LZTFL1: variants seen among roughly 807,000 people sequenced by gnomAD.
LZTFL1 encodes the protein leucine zipper transcription factor like 1, also known as leucine zipper transcription factor-like protein 1.
LZTFL1 carries 25 observed loss-of-function variants against 45.9 expected under a neutral mutation model. The ratio of observed to expected loss-of-function variants is 0.54; its 90% confidence interval spans 0.40 to 0.76. LZTFL1 has a LOEUF of 0.76. Among genes scored for constraint, LZTFL1 ranks in the 30% least tolerant of loss-of-function variants. The pLI, the probability that LZTFL1 is intolerant of heterozygous loss-of-function variation, is 0.00. For synonymous variants in LZTFL1, 93 were observed against 117.4 expected (o/e 0.79, Z 1.35); for missense variants, 277 against 331.1 (o/e 0.84, Z 1.27).
intron 2 of LZTFL1, among the ~76,000 whole-genome samples, chr3:45,908,341 C>T (rs1049036207): frequency 6.6e-6 from 1 of 152,230 alleles, no homozygotes; most frequent in South Asian, 2.1e-4. Context: ...AGCATTTCAA[C>T]TGTTGCTGTA....
chr3:45,912,014 C>A (rs539050091), intron 2 of LZTFL1, among the ~76,000 whole-genome samples: 2 of 152,384 alleles, frequency 1.3e-5, no homozygotes, highest in East Asian at 3.9e-4. Flanking sequence ...CCCACCAGCT[C>A]CATCTGCCAA....
At position 45,826,391 on chromosome 3, in the gene LZTFL1, A is replaced by C. The variant is rs146352843; in HGVS notation, c.882-59T>G. 224 of 1,398,004 alleles carry C rather than the reference A, an allele frequency of 1.6e-4. No individual in the cohort carries two copies. In the African/African-American group the frequency reaches 2.6e-3, roughly 16 times the overall value. 86.6% of individuals were successfully genotyped at this position (1,398,004 alleles called of 1,614,324 possible). Reference sequence around the variant, plus strand: ...TACCTTTTGTTGTTGTTATTACCAAATAAGTTTACTTGAAGCAGTGGCACT... The same window carrying C: ...TACCTTTTGTTGTTGTTATTACCAACTAAGTTTACTTGAAGCAGTGGCACT... On this transcript the variant is annotated intron_variant, in intron 9 of 9. Coordinates refer to ENST00000296135, the MANE Select transcript of LZTFL1 (RefSeq NM_020347.4).
chr3:45,891,655 T>C (rs746288438), intron 2 of LZTFL1, among the ~76,000 whole-genome samples: 1 of 152,180 alleles, frequency 6.6e-6, no homozygotes, highest in Non-Finnish European at 1.5e-5. Flanking sequence ...GCACCTATTG[T>C]AATGCCCTTA....
At chr3:45,880,442 C>T (rs1243987559) in intron 2 of LZTFL1, among the ~76,000 whole-genome samples, 1 of 152,040 alleles carries the variant, frequency 6.6e-6, no homozygotes, top group South Asian at 2.1e-4. Context: ...GTGGAGGTTG[C>T]AGTGAGCCGA....
exon 4 of LZTFL1, chr3:45,855,073 C>G (rs777688477): frequency 6.6e-7 from 1 of 1,520,938 alleles, no homozygotes; most frequent in South Asian, 1.2e-5. Flanking sequence ...TCTCTGCCTT[C>G]CCTAGAAAAT....
intron 4 of LZTFL1, among the ~76,000 whole-genome samples, chr3:45,847,754 T>C (rs573132930): frequency 2.0e-5 from 3 of 152,238 alleles, no homozygotes; most frequent in Non-Finnish European, 4.4e-5. Context: ...GCAGACCTGA[T>C]CATAAACCTC....
chr3:45,827,738 A>G (rs1026848712), intron 8 of LZTFL1, among the ~76,000 whole-genome samples: 1 of 152,230 alleles, frequency 6.6e-6, no homozygotes, highest in Non-Finnish European at 1.5e-5. Context: ...TTGAAATATT[A>G]AACTAATTTT....
intron 2 of LZTFL1, among the ~76,000 whole-genome samples, chr3:45,904,617 TC>T (rs1702642500): frequency 6.6e-6 from 1 of 152,208 alleles, no homozygotes; most frequent in Admixed American, 6.5e-5. Context: ...TTGTGGACCT[TC>T]CCCCAGGCCA....
At chr3:45,828,797 T>C (rs886595516) in intron 7 of LZTFL1, among the ~76,000 whole-genome samples, 182 bp from the exon 8 acceptor site, 1 of 152,186 alleles carries the variant, frequency 6.6e-6, no homozygotes, top group Non-Finnish European at 1.5e-5. Flanking sequence ...GCCAGTCCAT[T>C]GTCAGCCCTG....
At chr3:45,898,429 G>T (rs1030383496) in intron 2 of LZTFL1, among the ~76,000 whole-genome samples, 1 of 152,234 alleles carries the variant, frequency 6.6e-6, no homozygotes, top group African/African-American at 2.4e-5. Flanking sequence ...AACTGAAATG[G>T]ATTAATCAAG....
chr3:45,897,791 A>G, intron 2 of LZTFL1: 1 of 574,160 alleles, frequency 1.7e-6, no homozygotes, highest in Non-Finnish European at 3.1e-6. Context: ...TCCTCTTAAC[A>G]TGTCTTTAAA....
chr3:45,837,080 A>T (rs1223682051), intron 2 of LZTFL1, among the ~76,000 whole-genome samples: 2 of 152,226 alleles, frequency 1.3e-5, no homozygotes, highest in Non-Finnish European at 2.9e-5. Context: ...CTAAAGCATT[A>T]TCATAGTTAA....
Position 45,828,616 on chromosome 3 carries a change from C to T in LZTFL1, c.601-1G>A. On this transcript the variant is annotated splice_acceptor_variant, in intron 7 of 9. Transcript: ENST00000296135. LOFTEE classifies it high-confidence loss of function. ...TTAAGTCTTGGGCCTTTATAAAATC[C>T]TATGAAAAATAAATGCATGCATGTA... The T allele has an allele frequency of 6.2e-7, 1 of 1,600,740 alleles. No individual in the cohort carries two copies. The highest frequency in any genetic ancestry group is 1.1e-5 in the South Asian group (1 of 88,846).
intron 8 of LZTFL1, 49 bp downstream of exon 8, chr3:45,828,390 G>A (rs780385675): frequency 1.4e-5 from 22 of 1,526,376 alleles, no homozygotes; most frequent in Non-Finnish European, 1.9e-5. Flanking sequence ...TATACTGTGT[G>A]CATTAATCAT....
At position 45,842,074 on chromosome 3, in the gene LZTFL1, G is replaced by A; in HGVS notation, c.-83C>T. The A allele has an allele frequency of 3.1e-6, 5 of 1,588,458 alleles. No homozygotes were observed. The highest frequency in any genetic ancestry group is 4.3e-6 in the Non-Finnish European group (5 of 1,169,754). The stretch of plus-strand genomic sequence containing the variant: ...AAGCCTGGGATCGCCGAGGGTAGTT[G>A]GACCACAGAAAATGGGGAAGGAGGG... On this transcript the variant is annotated 5_prime_UTR_variant, in exon 1 of 10. Coordinates refer to ENST00000296135, the MANE Select transcript of LZTFL1 (RefSeq NM_020347.4).
At chr3:45,902,324 T>C (rs1420635637) in intron 2 of LZTFL1, 1 of 174,204 alleles carries the variant, frequency 5.7e-6, no homozygotes, top group African/African-American at 2.4e-5. Context: ...AAGCAGAAAG[T>C]TTCGTGAAAA....
chr3:45,912,008 C>T (rs146114761), intron 2 of LZTFL1, among the ~76,000 whole-genome samples: 34 of 152,402 alleles, frequency 2.2e-4, no homozygotes, highest in Middle Eastern at 3.4e-3. Context: ...CAAAGCCCCA[C>T]CAGCTCCATC....
At chr3:45,829,608 G>GA (rs1206418827) in intron 7 of LZTFL1, among the ~76,000 whole-genome samples, 11,347 of 58,996 alleles carry the variant, frequency 0.19, 940 homozygotes, top group African/African-American at 0.3. Flanking sequence ...TGTCTCAAAA[G>GA]AAAAAAAAAA....
chr3:45,901,826 T>G lies in LZTFL1; in HGVS notation c.-215+11294A>C, dbSNP rs200106483. 1 of 1,613,838 alleles carries G rather than the reference T, an allele frequency of 6.2e-7. No homozygotes were observed. Among genetic ancestry groups the G allele is most frequent in the Non-Finnish European group, 8.5e-7 (1 of 1,179,722 alleles). Reference sequence around the variant, plus strand: ...TCAGCCAGGCCCAGTGGGTTTCATTTACAAGGAGAGAGGGAAGCTTGAAGC... The same window carrying G: ...TCAGCCAGGCCCAGTGGGTTTCATTGACAAGGAGAGAGGGAAGCTTGAAGC... On this transcript the variant is annotated intron_variant, in intron 2 of 4. Transcript: ENST00000472635. The surrounding 1 kb of genome is among the most constrained non-coding windows in gnomAD (Gnocchi z 4.3).
Sources: allele counts gnomAD v4.1 joint callset (sites outside exome capture counted in the v4.1 genomes callset), GRCh38; gene constraint gnomAD v4.1.1; non-coding constraint Gnocchi (gnomAD v3.1); transcripts MANE v1.5; gene names NCBI Gene and HGNC (gene_info 2026-07-23, HGNC 2026-07-21).